TAS2R1: variants seen among roughly 807,000 people sequenced by gnomAD.
TAS2R1 encodes taste receptor type 2 member 1.
For synonymous variants in TAS2R1, 141 were observed against 134.2 expected, an observed-to-expected ratio of 1.05 and a Z score of -0.35; for missense variants, 370 against 353.4, an observed-to-expected ratio of 1.05 and a Z score of -0.38.
the TAS2R1 span, chr5:9,862,981 C>T: frequency 6.6e-6 from 1 of 152,176 alleles, no homozygotes; most frequent in African/African-American, 2.4e-5. Context: ...CTCGAAAGAT[C>T]TTGACATGGC....
At chr5:9,716,365 C>A (rs546561155), upstream of TAS2R1, among the ~76,000 whole-genome samples, 8 of 152,136 alleles carry the variant, frequency 5.3e-5, no homozygotes, top group East Asian at 1.5e-3. Context: ...ACCCAATAAA[C>A]CCTGCTTTTC....
chr5:9,862,365 C>T, the TAS2R1 span, among the ~76,000 whole-genome samples: 1 of 152,078 alleles, frequency 6.6e-6, no homozygotes, highest in African/African-American at 2.4e-5. Flanking sequence ...AGAGCTAGTA[C>T]CTTTAGTTTG....
the TAS2R1 span, among the ~76,000 whole-genome samples, chr5:9,822,721 A>T: frequency 2.6e-5 from 4 of 152,152 alleles, no homozygotes; most frequent in African/African-American, 9.7e-5. Flanking sequence ...TGCTTTTCAC[A>T]TACAAATTTA....
At chr5:9,730,443 G>A in the TAS2R1 span, among the ~76,000 whole-genome samples, 1 of 152,172 alleles carries the variant, frequency 6.6e-6, no homozygotes. Context: ...TGTGCTTGAG[G>A]TGTAGCTCCA....
chr5:9,693,547 A>AAGAG (rs1316969071), intron 1 of TAS2R1, among the ~76,000 whole-genome samples: 2 of 136,748 alleles, frequency 1.5e-5, no homozygotes, highest in South Asian at 4.8e-4. Context: ...AAAAAAAAAA[A>AAGAG]AGAGAGAGAA....
chr5:9,705,269 G>T (rs1741578382), intron 1 of TAS2R1, among the ~76,000 whole-genome samples: 1 of 152,224 alleles, frequency 6.6e-6, no homozygotes, highest in African/African-American at 2.4e-5. Flanking sequence ...CTGGCTAGAA[G>T]TTCTAGGGGA....
chr5:9,775,269 G>A, the TAS2R1 span, among the ~76,000 whole-genome samples: 1 of 152,196 alleles, frequency 6.6e-6, no homozygotes, highest in Non-Finnish European at 1.5e-5. Context: ...TCAAGGCTAA[G>A]GGCTCTTTAG....
chr5:9,769,139 T>A, the TAS2R1 span, among the ~76,000 whole-genome samples: 4 of 152,204 alleles, frequency 2.6e-5, no homozygotes, highest in African/African-American at 9.7e-5. Flanking sequence ...GTTGTTTTAA[T>A]TTTTAGCTCT....
the TAS2R1 span, among the ~76,000 whole-genome samples, chr5:9,881,444 A>C: frequency 1.3e-5 from 2 of 152,210 alleles, no homozygotes; most frequent in Non-Finnish European, 2.9e-5. Context: ...CAAGTAATTT[A>C]TAGATTCAAT....
At chr5:9,722,473 A>C in the TAS2R1 span, among the ~76,000 whole-genome samples, 1 of 152,172 alleles carries the variant, frequency 6.6e-6, no homozygotes, top group East Asian at 1.9e-4. Context: ...TTCTGGAGAA[A>C]CCCAATGGAT....
At chr5:9,640,735 T>C (rs190993445) in intron 2 of TAS2R1, among the ~76,000 whole-genome samples, 22 of 152,314 alleles carry the variant, frequency 1.4e-4, no homozygotes, top group African/African-American at 5.1e-4. Context: ...TTGTGCTTTC[T>C]TCTCATCCTC....
At chr5:9,849,677 T>C in the TAS2R1 span, among the ~76,000 whole-genome samples, 125 of 152,308 alleles carry the variant, frequency 8.2e-4, 1 homozygote, top group African/African-American at 2.9e-3. Flanking sequence ...GTTCACTTGA[T>C]GTATCTCACC....
chr5:9,742,196 G>A, the TAS2R1 span, among the ~76,000 whole-genome samples: 1 of 152,140 alleles, frequency 6.6e-6, no homozygotes, highest in African/African-American at 2.4e-5. Flanking sequence ...GCACAAACAA[G>A]ATTTTAAATA....
chr5:9,716,622 G>C (rs1277009647), upstream of TAS2R1, among the ~76,000 whole-genome samples: 1 of 151,926 alleles, frequency 6.6e-6, no homozygotes, highest in Non-Finnish European at 1.5e-5. Flanking sequence ...AGACTAATGA[G>C]TTCCCCCATT....
intron 1 of TAS2R1, chr5:9,659,835 G>A (rs1001768491): frequency 6.6e-6 from 1 of 151,820 alleles, no homozygotes; most frequent in South Asian, 2.1e-4. Flanking sequence ...CCCACCACAG[G>A]AAAGTGATGG....
the TAS2R1 span, among the ~76,000 whole-genome samples, chr5:9,756,308 G>A: frequency 6.6e-6 from 1 of 152,072 alleles, no homozygotes; most frequent in Non-Finnish European, 1.5e-5. Context: ...TTATGGTTGT[G>A]GTCAATTTAT....
upstream of TAS2R1, among the ~76,000 whole-genome samples, chr5:9,631,499 C>T (rs1739872649): frequency 6.6e-6 from 1 of 152,186 alleles, no homozygotes; most frequent in African/African-American, 2.4e-5. Context: ...GCCTCAGCCT[C>T]TTGAGGTATT....
the TAS2R1 span, among the ~76,000 whole-genome samples, chr5:9,805,972 C>T: frequency 1.7e-3 from 262 of 152,052 alleles, 2 homozygotes; most frequent in African/African-American, 2.3e-3. Flanking sequence ...TGTTTGCTGA[C>T]GACATGATTC....
the TAS2R1 span, among the ~76,000 whole-genome samples, chr5:9,757,151 T>C: frequency 1.3e-5 from 2 of 152,222 alleles, no homozygotes; most frequent in African/African-American, 4.8e-5. Flanking sequence ...TTTAAGATTT[T>C]AATTTACTTT....
Sources: allele counts gnomAD v4.1 joint callset (sites outside exome capture counted in the v4.1 genomes callset), GRCh38; gene constraint gnomAD v4.1.1; transcripts MANE v1.5; gene names NCBI Gene and HGNC (gene_info 2026-07-23, HGNC 2026-07-21).